Variants in OAS2 observed in about 807,000 individuals in gnomAD.
OAS2 encodes 2'-5'-oligoadenylate synthase 2.
A neutral mutation model predicts 71.3 loss-of-function variants in OAS2; 67 were observed. That is an observed-to-expected ratio of 0.94 (90% CI 0.77 to 1.15). OAS2 has a LOEUF of 1.15. Among genes scored for constraint, OAS2 ranks in the 50% most tolerant of loss-of-function variants. The pLI is 0.00. For synonymous variants in OAS2, 327 were observed against 321.8 expected, an observed-to-expected ratio of 1.02 and a Z score of -0.17; for missense variants, 789 against 822.5, an observed-to-expected ratio of 0.96 and a Z score of 0.50.
At position 113,007,917 on chromosome 12, in the gene OAS2, T is replaced by G. The variant is rs1033111226; in HGVS notation, c.1869T>G (p.Phe623Leu). Reference sequence around the variant, plus strand: ...TTGAAGATGAGACCGTGAGGAAGTTTCTACTGAGCCAGTTGCAGAAAACCA... The same window carrying G: ...TTGAAGATGAGACCGTGAGGAAGTTGCTACTGAGCCAGTTGCAGAAAACCA... ...YNFEDETVRK[F>L]LLSQLQKTRP... Residue 623 changes from phenylalanine to leucine, a missense_variant, in exon 9 of 10, where the codon TTT becomes TTG. Physicochemically the swap from Phe to Leu is conservative, Grantham distance 22. Transcript: ENST00000392583. The G allele has an allele frequency of 1.9e-6, 3 of 1,613,988 alleles. No individual in the cohort carries two copies. Among genetic ancestry groups the G allele is most frequent in the Non-Finnish European group, 2.5e-6 (3 of 1,179,948 alleles).
At chr12:112,996,091 G>A (rs1472211086) in intron 3 of OAS2, among the ~76,000 whole-genome samples, 3 of 152,162 alleles carry the variant, frequency 2.0e-5, no homozygotes, top group Non-Finnish European at 2.9e-5. Context: ...CATGAGCCAT[G>A]GCACCCAGCC....
intron 7 of OAS2, among the ~76,000 whole-genome samples, chr12:113,005,925 A>C (rs1358343993): frequency 0.26 from 20,411 of 78,810 alleles, 1,472 homozygotes; most frequent in East Asian, 0.51. Flanking sequence ...CAACAAAAAA[A>C]AAAAAAAAAA....
chr12:113,008,730 GGTT>G (rs1209555005), intron 9 of OAS2, among the ~76,000 whole-genome samples: 3 of 152,100 alleles, frequency 2.0e-5, no homozygotes, highest in Non-Finnish European at 4.4e-5. Context: ...GGTTCAAGCT[GGTT>G]CTCCTGCCTC....
intron 1 of OAS2, among the ~76,000 whole-genome samples, chr12:112,979,617 AT>A (rs35528038): frequency 7.9e-5 from 12 of 151,736 alleles, no homozygotes; most frequent in East Asian, 3.9e-4. Context: ...CTGCCTCTCA[AT>A]TTTTTTTTCC....
At chr12:112,999,919 T>G (rs550888102) in intron 5 of OAS2, among the ~76,000 whole-genome samples, 2 of 152,222 alleles carry the variant, frequency 1.3e-5, no homozygotes, top group Non-Finnish European at 2.9e-5. Context: ...TTTAATCTTT[T>G]TTTAAGAGAT....
chr12:112,986,981 G>A, intron 1 of OAS2, 57 bp from the exon 2 acceptor site: 1 of 1,542,972 alleles, frequency 6.5e-7, no homozygotes, highest in Non-Finnish European at 8.7e-7. Flanking sequence ...CTGCCTGCTA[G>A]AGATCCCTGT....
Position 113,009,640 on chromosome 12 carries a change from CA to C in OAS2, c.*386del. On this transcript the variant is annotated 3_prime_UTR_variant, in exon 10 of 10. Coordinates refer to ENST00000392583, the MANE Select transcript of OAS2 (RefSeq NM_002535.3). ...GCCCTGAAAGCGGCCACGGTGCCTC[CA>C]GATGGCAGGTTTGCAATCCAAGCAG... The C allele has an allele frequency of 1.0e-6, 1 of 994,258 alleles. No homozygotes were observed. The highest frequency in any genetic ancestry group is 1.2e-6 in the Non-Finnish European group (1 of 836,174). 61.6% of individuals were successfully genotyped at this position (994,258 alleles called of 1,614,324 possible).
At chr12:113,000,285 A>C (rs1263313494) in intron 5 of OAS2, among the ~76,000 whole-genome samples, 4 of 152,200 alleles carry the variant, frequency 2.6e-5, no homozygotes, top group Non-Finnish European at 5.9e-5. Context: ...CCAACCCAGA[A>C]GCACATGTGG....
intron 7 of OAS2, among the ~76,000 whole-genome samples, chr12:113,005,657 A>G (rs1443883843): frequency 6.6e-6 from 1 of 151,750 alleles, no homozygotes; most frequent in Non-Finnish European, 1.5e-5. Flanking sequence ...TGCTTGATCC[A>G]GGAGTTCGAG....
chr12:113,000,573 A>G (rs936278444), intron 5 of OAS2, among the ~76,000 whole-genome samples: 2 of 151,016 alleles, frequency 1.3e-5, no homozygotes, highest in South Asian at 2.1e-4. Flanking sequence ...GCACACACGC[A>G]CACACGCACA....
intron 5 of OAS2, among the ~76,000 whole-genome samples, chr12:113,000,042 G>A (rs920162092): frequency 6.6e-6 from 1 of 152,158 alleles, no homozygotes; most frequent in African/African-American, 2.4e-5. Flanking sequence ...ACCTCACCTG[G>A]CCCATTGTTA....
chr12:113,010,647 C>T lies in OAS2; in HGVS notation c.*1392C>T. 1.9e-6 allele frequency: 2 copies of T among 1,041,128 alleles called. No homozygotes were observed. Among genetic ancestry groups the T allele is most frequent in the Non-Finnish European group, 2.6e-6 (2 of 783,158 alleles). The allele number at this position is 1,041,128 out of a possible 1,614,324, so 64.5% of individuals were successfully genotyped here. ...TTTCATAAAGTCTTGCCTTGCTGAACTCCCTCTCTGCAGGCAGCCTGCCTT... is the reference window on the plus strand; with the variant it reads ...TTTCATAAAGTCTTGCCTTGCTGAATTCCCTCTCTGCAGGCAGCCTGCCTT... On this transcript the variant is annotated 3_prime_UTR_variant, in exon 10 of 10. Coordinates refer to ENST00000392583, the MANE Select transcript of OAS2 (RefSeq NM_002535.3).
chr12:113,006,672 G>A, intron 8 of OAS2, 72 bp downstream of exon 8: 1 of 1,329,386 alleles, frequency 7.5e-7, no homozygotes, highest in Non-Finnish European at 1.0e-6. Flanking sequence ...AAGCCCTGTT[G>A]CCCACAATCT....
intron 2 of OAS2, among the ~76,000 whole-genome samples, chr12:112,992,398 A>G (rs34886194): frequency 0.066 from 9,934 of 151,514 alleles, 575 homozygotes; most frequent in East Asian, 0.31. Flanking sequence ...CAAAAGAAAA[A>G]AAAAAAAGAA....
Position 113,009,834 on chromosome 12 carries a change from G to A in OAS2, c.*579G>A. 1 of 986,566 alleles carries A rather than the reference G, an allele frequency of 1.0e-6. No homozygotes were observed. The highest frequency in any genetic ancestry group is 1.2e-6 in the Non-Finnish European group (1 of 830,848). 61.1% of individuals were successfully genotyped at this position (986,566 alleles called of 1,614,324 possible). ...TGGGTTGCACTGGCCACCCAAGGAT[G>A]TCTGCCACACCTCTCCAAAGCCCTC... On this transcript the variant is annotated 3_prime_UTR_variant, in exon 10 of 10. Transcript: ENST00000392583.
intron 3 of OAS2, among the ~76,000 whole-genome samples, chr12:112,997,021 T>C (rs1001716730): frequency 2.0e-5 from 3 of 152,208 alleles, no homozygotes; most frequent in African/African-American, 7.2e-5. Flanking sequence ...CCTGAGTTTC[T>C]GAAAATCAAC....
chr12:113,002,194 G>A (rs1353267014), intron 5 of OAS2, among the ~76,000 whole-genome samples: 1 of 152,090 alleles, frequency 6.6e-6, no homozygotes, highest in Admixed American at 6.6e-5. Context: ...AAGTAAAAGT[G>A]GAGAAAAATG....
In OAS2 at chr12:113,009,714, G is replaced by A. The variant is rs1433775602; in HGVS notation, c.*459G>A. The A allele has an allele frequency of 1.0e-6, 1 of 987,114 alleles. No individual in the cohort carries two copies. Among genetic ancestry groups the A allele is most frequent in the Non-Finnish European group, 1.2e-6 (1 of 831,318 alleles). 61.1% of individuals were successfully genotyped at this position (987,114 alleles called of 1,614,324 possible). The stretch of plus-strand genomic sequence containing the variant: ...GGTCAAGAACACAGTGATTTTATTA[G>A]AAGTTTCATCCGCAAATTTTCTTCC... On this transcript the variant is annotated 3_prime_UTR_variant, in exon 10 of 10. Coordinates refer to ENST00000392583, the MANE Select transcript of OAS2 (RefSeq NM_002535.3).
chr12:112,987,037 G>A lies in OAS2; in HGVS notation c.178-1G>A. 2 of 1,604,216 alleles carry A rather than the reference G, an allele frequency of 1.2e-6. No homozygotes were observed. Among genetic ancestry groups the A allele is most frequent in the South Asian group, 2.2e-5 (2 of 90,420 alleles). ...CATATCTGCTTCTTTGTCACTGGCA[G>A]GGTGGCTCCTATGGACGGAAAACAG... On this transcript the variant is annotated splice_acceptor_variant, in intron 1 of 9. Transcript: ENST00000392583. LOFTEE classifies it high-confidence loss of function.
Sources: gnomAD v4.1 joint callset for allele counts (sites outside exome capture counted in the v4.1 genomes callset) on GRCh38, gnomAD v4.1.1 for gene constraint, MANE v1.5 for transcripts, NCBI Gene and HGNC (gene_info 2026-07-23, HGNC 2026-07-21) for gene names.